The following VGLL4 variants were observed in gnomAD, a reference collection of about 807,000 sequenced individuals.
VGLL4 encodes transcription cofactor vestigial-like protein 4.
VGLL4 carries 7 observed loss-of-function variants against 21.0 expected under a neutral mutation model. The observed-to-expected ratio is 0.33, with a 90% CI of 0.19 to 0.63. The LOEUF (loss-of-function observed/expected upper bound fraction) is 0.63. VGLL4 is among the 20% of genes least tolerant of loss of function. The probability of loss-of-function intolerance (pLI) is 0.78; values close to 1 mark genes in which losing one functional copy is unlikely to be tolerated. For synonymous variants in VGLL4, 222 were observed against 173.2 expected, an observed-to-expected ratio of 1.28 and a Z score of -2.21; for missense variants, 394 against 425.7, an observed-to-expected ratio of 0.93 and a Z score of 0.66.
intron 2 of VGLL4, among the ~76,000 whole-genome samples, chr3:11,700,593 C>T (rs2076668011): frequency 6.6e-6 from 1 of 152,038 alleles, no homozygotes; most frequent in African/African-American, 2.4e-5. Flanking sequence ...GACACGATGT[C>T]CTCCTAATCC....
chr3:11,668,343 C>A (rs1444689532), intron 2 of VGLL4, among the ~76,000 whole-genome samples: 1 of 152,144 alleles, frequency 6.6e-6, no homozygotes, highest in Non-Finnish European at 1.5e-5. Flanking sequence ...ATGCATCATG[C>A]TTACTATTGC....
chr3:11,595,100 G>C (rs2074603561), intron 2 of VGLL4, among the ~76,000 whole-genome samples: 1 of 152,236 alleles, frequency 6.6e-6, no homozygotes, highest in South Asian at 2.1e-4. Context: ...GGTGGAGGTT[G>C]TGGTGAGCCG....
At chr3:11,690,209 T>C (rs138327536) in intron 2 of VGLL4, among the ~76,000 whole-genome samples, 1 of 152,350 alleles carries the variant, frequency 6.6e-6, no homozygotes, top group Admixed American at 6.5e-5. Context: ...TTGTTTTTGT[T>C]TTCCTTTTGT....
At chr3:11,648,157 G>T (rs557639593), upstream of VGLL4, among the ~76,000 whole-genome samples, 1 of 152,108 alleles carries the variant, frequency 6.6e-6, no homozygotes, top group Non-Finnish European at 1.5e-5. Context: ...CTTTTTCTAC[G>T]AATGAATAAG....
At position 11,643,491 on chromosome 3, in the gene VGLL4, T is replaced by C; in HGVS notation, c.28A>G (p.Asn10Asp). 6.2e-7 allele frequency: 1 copy of C among 1,613,982 alleles called. No homozygotes were observed. Among genetic ancestry groups the C allele is most frequent in the African/African-American group, 1.3e-5 (1 of 75,020 alleles). Residue 10 changes from asparagine (N) to aspartate (D), a missense_variant, in exon 1 of 5, where the codon AAC (asparagine) becomes GAC (aspartate). Asn to Asp is a conservative substitution (Grantham distance 23, BLOSUM62 1). Transcript: ENST00000430365. The part of the protein sequence containing the change: MLFMKMDLL[N>D]YQYLDKMNNN... ...TTCATCTTGTCCAAGTACTGATAGT[T>C]CAACAGGTCCATCTTCATAAATAGC...
chr3:11,617,719 C>T (rs899291156), intron 1 of VGLL4, among the ~76,000 whole-genome samples: 3 of 152,176 alleles, frequency 2.0e-5, no homozygotes, highest in Non-Finnish European at 4.4e-5. Flanking sequence ...AATTGAGAAA[C>T]TATGAGATGA....
In VGLL4 at chr3:11,601,914, A is replaced by G; in HGVS notation, c.191T>C (p.Phe64Ser). ...GTCCTCGTCACCTGGCTCCATGCTG[A>G]ACTTCCTCTTGCTGGGGCTGATTGG... ...PPPISPSKRK[F>S]SMEPGDEDLD... The change falls in exon 2 of 5, where the codon TTC (phenylalanine) becomes TCC (serine). Residue 64 changes from phenylalanine to serine, a missense_variant. By Grantham distance (155) the Phe-to-Ser change is radical. Coordinates refer to ENST00000430365, the MANE Select transcript of VGLL4 (RefSeq NM_001128219.3). The G allele has an allele frequency of 6.2e-7, 1 of 1,613,842 alleles. No individual in the cohort carries two copies. Among genetic ancestry groups the G allele is most frequent in the Non-Finnish European group, 8.5e-7 (1 of 1,179,912 alleles).
At chr3:11,577,243 T>A (rs1191228781) in intron 2 of VGLL4, among the ~76,000 whole-genome samples, 1 of 152,184 alleles carries the variant, frequency 6.6e-6, no homozygotes, top group African/African-American at 2.4e-5. Context: ...TTCAAATTCT[T>A]TTGAAGGCTC....
At position 11,557,430 on chromosome 3, in the gene VGLL4, G is replaced by A. The variant is rs982694820; in HGVS notation, c.*1126C>T. On this transcript the variant is annotated 3_prime_UTR_variant, in exon 5 of 5. Coordinates refer to ENST00000430365, the MANE Select transcript of VGLL4 (RefSeq NM_001128219.3). ...AAGACACAAACCCCACCTCCCCTGGGAGCTTGTAACAAAGCAGACAGGGAT... is the reference window on the plus strand; with the variant it reads ...AAGACACAAACCCCACCTCCCCTGGAAGCTTGTAACAAAGCAGACAGGGAT... The A allele has an allele frequency of 9.2e-5, 14 of 152,690 alleles. No individual in the cohort carries two copies. The highest frequency in any genetic ancestry group is 6.5e-5 in the Admixed American group (1 of 15,270). 9.5% of individuals were successfully genotyped at this position (152,690 alleles called of 1,614,324 possible).
chr3:11,577,641 A>G (rs2074093970), intron 2 of VGLL4, among the ~76,000 whole-genome samples: 2 of 152,296 alleles, frequency 1.3e-5, no homozygotes, highest in South Asian at 2.1e-4. Flanking sequence ...CCAACTCAGG[A>G]GAACACTTCA....
chr3:11,677,629 A>C (rs565269972), intron 2 of VGLL4, among the ~76,000 whole-genome samples: 2 of 152,252 alleles, frequency 1.3e-5, no homozygotes, highest in East Asian at 3.9e-4. Context: ...ACTAGAATAT[A>C]CAAGTAACCA....
chr3:11,560,770 G>A (rs1161107324), intron 3 of VGLL4, among the ~76,000 whole-genome samples: 1 of 152,184 alleles, frequency 6.6e-6, no homozygotes, highest in Non-Finnish European at 1.5e-5. Flanking sequence ...GCGGGACAGA[G>A]CTGCCCAGGG....
At chr3:11,698,996 A>T (rs1050569973) in intron 2 of VGLL4, among the ~76,000 whole-genome samples, 1 of 152,240 alleles carries the variant, frequency 6.6e-6, no homozygotes, top group Non-Finnish European at 1.5e-5. Context: ...ACTGATCTCA[A>T]GTAGTAGAAC....
At chr3:11,649,292 T>C (rs1326674319) in intron 2 of VGLL4, among the ~76,000 whole-genome samples, 1 of 152,198 alleles carries the variant, frequency 6.6e-6, no homozygotes, top group African/African-American at 2.4e-5. Flanking sequence ...AAACACACAT[T>C]ATTCACCAAC....
At chr3:11,703,809 T>A (rs1348425716) in intron 1 of VGLL4, among the ~76,000 whole-genome samples, 1 of 152,186 alleles carries the variant, frequency 6.6e-6, no homozygotes, top group African/African-American at 2.4e-5. Flanking sequence ...GAAAAACAAC[T>A]CCTTAACTGT....
chr3:11,605,390 T>C (rs2074916812), intron 1 of VGLL4, among the ~76,000 whole-genome samples: 1 of 150,180 alleles, frequency 6.7e-6, no homozygotes, highest in Non-Finnish European at 1.5e-5. Flanking sequence ...ATCCAGTGAC[T>C]GCAGACTTCT....
chr3:11,592,629 G>A (rs1347722339), intron 2 of VGLL4, among the ~76,000 whole-genome samples: 3 of 152,170 alleles, frequency 2.0e-5, no homozygotes. Flanking sequence ...GTCCAGTATC[G>A]AATGATTCAT....
chr3:11,676,481 T>C (rs941851458), intron 2 of VGLL4, among the ~76,000 whole-genome samples: 12 of 151,260 alleles, frequency 7.9e-5, no homozygotes, highest in African/African-American at 2.9e-4. Context: ...GAGTTAATAA[T>C]TAAAGAAATA....
At chr3:11,612,088 C>T (rs1211545369) in intron 1 of VGLL4, 1 of 152,074 alleles carries the variant, frequency 6.6e-6, no homozygotes, top group Non-Finnish European at 1.5e-5. Flanking sequence ...GTCTATAATT[C>T]TCAACATCTA....
Sources: allele counts gnomAD v4.1 joint callset (sites outside exome capture counted in the v4.1 genomes callset), GRCh38; gene constraint gnomAD v4.1.1; transcripts MANE v1.5; gene names NCBI Gene and HGNC (gene_info 2026-07-23, HGNC 2026-07-21).